The following HS6ST3 variants were observed in gnomAD, a reference collection of about 807,000 sequenced individuals.
HS6ST3 encodes the protein heparan-sulfate 6-O-sulfotransferase 3.
In HS6ST3, 12 loss-of-function variants were observed where a neutral mutation model predicts 36.7. The observed-to-expected ratio is 0.33, with a 90% CI of 0.21 to 0.53. HS6ST3 has a LOEUF of 0.53. Among genes scored for constraint, HS6ST3 ranks in the 20% least tolerant of loss-of-function variants. HS6ST3 has a pLI of 0.95. For synonymous variants in HS6ST3, 240 were observed against 257.5 expected (o/e 0.93, Z 0.65); for missense variants, 584 against 640.9 (o/e 0.91, Z 0.96).
intron 1 of HS6ST3, among the ~76,000 whole-genome samples, chr13:96,151,405 GAAA>G (rs57166825): frequency 1.6e-3 from 226 of 141,682 alleles, no homozygotes; most frequent in African/African-American, 1.8e-3. Flanking sequence ...CTCCATCTTG[GAAA>G]AAAAAAAAAA....
chr13:96,626,427 C>A (rs2056512667), intron 1 of HS6ST3, among the ~76,000 whole-genome samples: 1 of 152,108 alleles, frequency 6.6e-6, no homozygotes, highest in Admixed American at 6.5e-5. Flanking sequence ...TGTTTTCACA[C>A]GTGCTCTCAA....
intron 1 of HS6ST3, among the ~76,000 whole-genome samples, chr13:96,276,331 T>A (rs2054748391): frequency 6.6e-6 from 1 of 152,194 alleles, no homozygotes; most frequent in Non-Finnish European, 1.5e-5. Context: ...ACCAGTTATC[T>A]GGAGCATAAT....
intron 1 of HS6ST3, among the ~76,000 whole-genome samples, chr13:96,359,512 A>G (rs1566337040): frequency 6.6e-6 from 1 of 152,182 alleles, no homozygotes; most frequent in Non-Finnish European, 1.5e-5. Context: ...TTCTCATATG[A>G]GCAGCTCGGT....
intron 1 of HS6ST3, among the ~76,000 whole-genome samples, chr13:96,744,803 G>A (rs567971558): frequency 1.5e-3 from 232 of 152,192 alleles, no homozygotes; most frequent in African/African-American, 5.1e-3. Flanking sequence ...TCTATCGCTT[G>A]TGTATTTGCA....
At chr13:96,726,766 T>C (rs1876015382) in intron 1 of HS6ST3, among the ~76,000 whole-genome samples, 2 of 152,224 alleles carry the variant, frequency 1.3e-5, no homozygotes, top group African/African-American at 4.8e-5. Flanking sequence ...GTAGCCACTT[T>C]TTTTTTCTTT....
At chr13:96,809,052 G>A (rs2138533647) in intron 1 of HS6ST3, among the ~76,000 whole-genome samples, 1 of 152,284 alleles carries the variant, frequency 6.6e-6, no homozygotes, top group South Asian at 2.1e-4. Context: ...TGCCACTCTG[G>A]GGGAGGATTT....
At chr13:96,207,118 A>G (rs1235478790) in intron 1 of HS6ST3, among the ~76,000 whole-genome samples, 2 of 152,104 alleles carry the variant, frequency 1.3e-5, no homozygotes, top group East Asian at 1.9e-4. Flanking sequence ...GAAAAAACCT[A>G]AACAACCCTG....
intron 1 of HS6ST3, among the ~76,000 whole-genome samples, chr13:96,175,559 TTAGA>T (rs1003621355): frequency 1.3e-5 from 2 of 152,036 alleles, no homozygotes; most frequent in Non-Finnish European, 2.9e-5. Flanking sequence ...GAAATTCTTA[TTAGA>T]TAGTTGCAGG....
intron 1 of HS6ST3, among the ~76,000 whole-genome samples, chr13:96,396,879 G>C (rs2055424634): frequency 6.6e-6 from 1 of 152,144 alleles, no homozygotes; most frequent in South Asian, 2.1e-4. Flanking sequence ...AATTAAAGTA[G>C]ATAAATAGGA....
chr13:96,792,095 A>C (rs1877805898), intron 1 of HS6ST3, among the ~76,000 whole-genome samples: 1 of 152,072 alleles, frequency 6.6e-6, no homozygotes, highest in Non-Finnish European at 1.5e-5. Context: ...AAAATGAAAA[A>C]TAATTGTCAT....
intron 1 of HS6ST3, among the ~76,000 whole-genome samples, chr13:96,472,488 A>G (rs879319922): frequency 1.1e-4 from 16 of 152,186 alleles, no homozygotes; most frequent in Non-Finnish European, 2.2e-4. Context: ...AGGTCAAGAA[A>G]AGACTTCTTC....
intron 1 of HS6ST3, among the ~76,000 whole-genome samples, chr13:96,650,015 A>G (rs901589133): frequency 6.6e-6 from 1 of 151,406 alleles, no homozygotes; most frequent in Admixed American, 6.6e-5. Context: ...TTCCCTAAAG[A>G]CTCACTTGGC....
intron 1 of HS6ST3, among the ~76,000 whole-genome samples, chr13:96,798,966 G>A (rs1652228774): frequency 6.6e-6 from 1 of 152,000 alleles, no homozygotes; most frequent in Admixed American, 6.6e-5. Flanking sequence ...GTGTCCCTTT[G>A]TGTCCAGATT....
rs543178811 is a variant in HS6ST3 at position 96,337,754 on chromosome 13, T to G, written c.707+246185T>G. On this transcript the variant is annotated intron_variant, in intron 1 of 1. Coordinates refer to ENST00000376705, the MANE Select transcript of HS6ST3 (RefSeq NM_153456.4). ...ATTTTAATTTTATAATTTCTCTCCC[T>G]CTATTTTCTCTGTTTTTTTCTTTTG... is the stretch of plus-strand genomic sequence containing the variant. Among the ~76,000 whole-genome samples, 3 of 152,224 alleles carry G rather than the reference T, an allele frequency of 2.0e-5. No individual in the cohort carries two copies. The East Asian group carries it at 5.8e-4, about 29-fold the overall frequency.
intron 1 of HS6ST3, among the ~76,000 whole-genome samples, chr13:96,654,568 A>G (rs992027016): frequency 3.3e-5 from 5 of 152,028 alleles, no homozygotes; most frequent in Admixed American, 3.3e-4. Flanking sequence ...CTTGGTCTAT[A>G]TATCTGTTTT....
At chr13:96,296,806 G>T (rs2054857148) in intron 1 of HS6ST3, among the ~76,000 whole-genome samples, 1 of 151,874 alleles carries the variant, frequency 6.6e-6, no homozygotes, top group Admixed American at 6.6e-5. Flanking sequence ...GTTTTACCAG[G>T]AACATTTCCA....
intron 1 of HS6ST3, among the ~76,000 whole-genome samples, chr13:96,564,986 C>A (rs1012293452): frequency 1.3e-5 from 2 of 152,026 alleles, no homozygotes; most frequent in East Asian, 3.9e-4. Context: ...GATCAGAGAC[C>A]ATGGTGACAT....
chr13:96,414,144 G>T (rs1420032202), intron 1 of HS6ST3, among the ~76,000 whole-genome samples: 1 of 152,148 alleles, frequency 6.6e-6, no homozygotes, highest in African/African-American at 2.4e-5. Flanking sequence ...GTTAGTGAAG[G>T]CTTTAAGAAA....
intron 1 of HS6ST3, among the ~76,000 whole-genome samples, chr13:96,229,608 C>T (rs1343235382): frequency 6.6e-6 from 1 of 152,226 alleles, no homozygotes; most frequent in Non-Finnish European, 1.5e-5. Flanking sequence ...CTAACCAACC[C>T]TATTATCTCC....
Sources: gnomAD v4.1 joint callset for allele counts (sites outside exome capture counted in the v4.1 genomes callset) on GRCh38, gnomAD v4.1.1 for gene constraint, MANE v1.5 for transcripts, NCBI Gene and HGNC (gene_info 2026-07-23, HGNC 2026-07-21) for gene names.